MYH14: variants seen among roughly 807,000 people sequenced by gnomAD.
MYH14 encodes the protein myosin heavy chain 14, also known as myosin-14.
A neutral mutation model predicts 255.5 loss-of-function variants in MYH14; 123 were observed. That is an observed-to-expected ratio of 0.48 (90% CI 0.42 to 0.56). The LOEUF (loss-of-function observed/expected upper bound fraction) is 0.56, where lower values mean the gene tolerates loss of function less well. MYH14 is among the 20% of genes least tolerant of loss of function. The probability of loss-of-function intolerance (pLI) is 0.00; values close to 1 mark genes in which losing one functional copy is unlikely to be tolerated. For synonymous variants in MYH14, 1,095 were observed against 1,161.2 expected, an observed-to-expected ratio of 0.94 and a Z score of 1.16; for missense variants, 2,423 against 2,802.3, an observed-to-expected ratio of 0.86 and a Z score of 3.06.
intron 10 of MYH14, among the ~76,000 whole-genome samples, chr19:50,235,592 C>T (rs987091283): frequency 2.7e-5 from 4 of 150,448 alleles, no homozygotes; most frequent in African/African-American, 9.8e-5. Context: ...CCAGCCTGGG[C>T]AATATGGTGA....
intron 25 of MYH14, 130 bp downstream of exon 25, chr19:50,271,676 T>G: frequency 6.9e-7 from 1 of 1,450,358 alleles, no homozygotes; most frequent in South Asian, 1.3e-5. Context: ...GTGGGATGGG[T>G]CTATAGCCCC....
At chr19:50,300,486 C>T (rs560925569) in intron 39 of MYH14, among the ~76,000 whole-genome samples, 22 of 152,272 alleles carry the variant, frequency 1.4e-4, no homozygotes, top group African/African-American at 5.1e-4. Flanking sequence ...TGGTGGCTCA[C>T]ACCTGTAATC....
At chr19:50,273,601 G>GTGT (rs1555772397) in intron 27 of MYH14, among the ~76,000 whole-genome samples, 5,421 of 137,512 alleles carry the variant, frequency 0.039, 180 homozygotes, top group African/African-American at 0.094. Flanking sequence ...GAACATGGGG[G>GTGT]GTGTGTGTGT....
At chr19:50,290,455 C>T (rs2036033939) in intron 35 of MYH14, among the ~76,000 whole-genome samples, 2 of 152,196 alleles carry the variant, frequency 1.3e-5, no homozygotes, top group Admixed American at 6.5e-5. Context: ...ATGTAGGCAA[C>T]AGACTTGGGG....
chr19:50,284,161 T>C (rs566516855), intron 33 of MYH14, among the ~76,000 whole-genome samples: 4 of 152,288 alleles, frequency 2.6e-5, no homozygotes, highest in African/African-American at 7.2e-5. Flanking sequence ...ATCAGATATA[T>C]GCTTTGCAAA....
At chr19:50,233,816 GACCCCCC>G (rs1366632762) in intron 10 of MYH14, among the ~76,000 whole-genome samples, 1 of 15,764 alleles carries the variant, frequency 6.3e-5, no homozygotes, top group Non-Finnish European at 1.6e-4. Flanking sequence ...CCCTCCCCCC[GACCCCCC>G]CGCCCCAACC....
intron 7 of MYH14, 75 bp from the exon 8 acceptor site, chr19:50,226,828 G>C (rs1209243863): frequency 7.1e-7 from 1 of 1,411,604 alleles, no homozygotes; most frequent in African/African-American, 1.4e-5. Context: ...GTGGGTGTGG[G>C]GTTTGGGCTG....
At chr19:50,263,185 C>A in intron 21 of MYH14, 127 bp from the exon 22 acceptor site, 1 of 662,888 alleles carries the variant, frequency 1.5e-6, no homozygotes, top group Non-Finnish European at 2.4e-6. Context: ...GGCAACAGAG[C>A]AAGACTCTGT....
At chr19:50,268,523 C>T (rs973397344) in intron 24 of MYH14, among the ~76,000 whole-genome samples, 156 bp downstream of exon 24, 3 of 152,228 alleles carry the variant, frequency 2.0e-5, no homozygotes, top group East Asian at 1.9e-4. Flanking sequence ...TGATTCAGAT[C>T]GCGGGAGACC....
intron 30 of MYH14, among the ~76,000 whole-genome samples, chr19:50,279,124 C>G (rs1222157133): frequency 2.0e-5 from 3 of 152,126 alleles, no homozygotes; most frequent in African/African-American, 7.2e-5. Flanking sequence ...ATCCTATACC[C>G]TTTAGCTATC....
intron 10 of MYH14, among the ~76,000 whole-genome samples, chr19:50,243,694 T>C (rs2033981643): frequency 6.6e-6 from 1 of 152,240 alleles, no homozygotes. Flanking sequence ...TTATATTTCC[T>C]CCCTTTTGCA....
chr19:50,287,571 C>T (rs988487539), intron 34 of MYH14, among the ~76,000 whole-genome samples: 1 of 151,916 alleles, frequency 6.6e-6, no homozygotes, highest in East Asian at 1.9e-4. Context: ...TTCCACCATA[C>T]CTGGCTGTTT....
intron 7 of MYH14, 34 bp from the exon 8 acceptor site, chr19:50,226,869 T>C (rs752159987): frequency 1.2e-6 from 2 of 1,611,060 alleles, no homozygotes; most frequent in South Asian, 2.2e-5. Context: ...AAGGGGACCC[T>C]CTGCTGAAGC....
chr19:50,284,510 G>A, intron 33 of MYH14, among the ~76,000 whole-genome samples: 1 of 151,888 alleles, frequency 6.6e-6, no homozygotes, highest in Non-Finnish European at 1.5e-5. Flanking sequence ...TGGGATTACA[G>A]GCACATGCCG....
In MYH14 at chr19:50,276,974, AC is replaced by A; in HGVS notation, c.3825+75del. 8.1e-7 allele frequency: 1 copy of A among 1,236,542 alleles called. No individual in the cohort carries two copies. Among genetic ancestry groups the A allele is most frequent in the Non-Finnish European group, 1.1e-6 (1 of 880,766 alleles). 76.6% of individuals were successfully genotyped at this position (1,236,542 alleles called of 1,614,324 possible). A position where few individuals can be genotyped will look rare whatever the true frequency, so the allele number is the denominator to read the frequency against. ...GGCAGGACGCGGGGTTGGAGGAGGT[AC>A]CGCTGGCTGGTTCTAGGCTAGCTCA... On this transcript the variant is annotated intron_variant, in intron 29 of 42. Transcript: ENST00000642316. This position sits in a 1 kb window ranked among gnomAD's most constrained non-coding sequence, Gnocchi z 4.3.
chr19:50,250,517 CA>C lies in MYH14; in HGVS notation c.1661del (p.Asn554ThrfsTer27). 1 of 1,612,618 alleles carries C rather than the reference CA, an allele frequency of 6.2e-7. No homozygotes were observed. The highest frequency in any genetic ancestry group is 8.5e-7 in the Non-Finnish European group (1 of 1,179,360). On this transcript the variant is annotated frameshift_variant, in exon 15 of 43. Transcript: ENST00000642316. LOFTEE classifies it high-confidence loss of function. This position sits in a 1 kb window ranked among gnomAD's most constrained non-coding sequence, Gnocchi z 5.4. Reference sequence around the variant, plus strand: ...CTCCCCCTGCTGTCAATGGCCAGGCCAACCCCCCTGGACTCCTGGCCCTGCT... The same window carrying C: ...CTCCCCCTGCTGTCAATGGCCAGGCCACCCCCCTGGACTCCTGGCCCTGCT... Reference protein sequence around the residue: ...PCIDLIERPANPPGLLALLDE... With the variant: ...PCIDLIERPAXPPGLLALLDE...
chr19:50,293,505 C>T lies in MYH14; in HGVS notation c.5346-59C>T. ...AACCACAGGGTCCTGTAGTGTGAGGCAAGGCACCCTCCTCTGACCATCCTG... is the reference window on the plus strand; with the variant it reads ...AACCACAGGGTCCTGTAGTGTGAGGTAAGGCACCCTCCTCTGACCATCCTG... On this transcript the variant is annotated intron_variant, in intron 38 of 42. Transcript: ENST00000642316. The surrounding 1 kb of genome is among the most constrained non-coding windows in gnomAD (Gnocchi z 4.1). 10 of 1,601,250 alleles carry T rather than the reference C, an allele frequency of 6.2e-6. No individual in the cohort carries two copies. Among genetic ancestry groups the T allele is most frequent in the Non-Finnish European group, 8.5e-6 (10 of 1,174,496 alleles).
chr19:50,271,768 A>C lies in MYH14; in HGVS notation c.3172-81A>C, dbSNP rs143747366. On this transcript the variant is annotated intron_variant, in intron 25 of 42. Coordinates refer to ENST00000642316, the MANE Select transcript of MYH14 (RefSeq NM_001145809.2). ...AGGAGCAGAAACATAGATGAGAACA[A>C]CACCAGAAGCTGCAGATCAGGTAAG... is the stretch of plus-strand genomic sequence containing the variant. 9.5e-6 allele frequency: 15 copies of C among 1,582,788 alleles called. No individual in the cohort carries two copies. The East Asian group carries it at 2.1e-4, about 22-fold the overall frequency.
At chr19:50,304,966 T>A (rs2036607726) in intron 40 of MYH14, among the ~76,000 whole-genome samples, 1 of 152,092 alleles carries the variant, frequency 6.6e-6, no homozygotes, top group Non-Finnish European at 1.5e-5. Flanking sequence ...TGGTTGGTTC[T>A]GAGAGTCTGG....
Sources: allele counts gnomAD v4.1 joint callset (sites outside exome capture counted in the v4.1 genomes callset), GRCh38; gene constraint gnomAD v4.1.1; non-coding constraint Gnocchi (gnomAD v3.1); transcripts MANE v1.5; gene names NCBI Gene and HGNC (gene_info 2026-07-23, HGNC 2026-07-21).